The following RBBP8NL variants were observed in gnomAD, a reference collection of about 807,000 sequenced individuals.
The protein encoded by RBBP8NL is RBBP8 N-terminal like, also known as RBBP8 N-terminal-like protein.
RBBP8NL carries 59 observed loss-of-function variants against 62.2 expected under a neutral mutation model. The observed-to-expected ratio is 0.95, with a 90% CI of 0.77 to 1.18. RBBP8NL has a LOEUF of 1.18. Among genes scored for constraint, RBBP8NL ranks in the 50% most tolerant of loss-of-function variants. The probability of loss-of-function intolerance (pLI) is 0.00; values close to 1 mark genes in which losing one functional copy is unlikely to be tolerated. For synonymous variants in RBBP8NL, 412 were observed against 394.1 expected, an observed-to-expected ratio of 1.05 and a Z score of -0.54; for missense variants, 896 against 899.5, an observed-to-expected ratio of 1.00 and a Z score of 0.05.
chr20:62,419,481 T>C, intron 2 of RBBP8NL, 106 bp downstream of exon 2: 1 of 1,193,188 alleles, frequency 8.4e-7, no homozygotes, highest in South Asian at 1.3e-5. Context: ...TTCCCTGACT[T>C]GGTGGGAATT....
Position 62,414,515 on chromosome 20 carries a change from G to C in RBBP8NL, c.836C>G (p.Ala279Gly). The C allele has an allele frequency of 6.9e-7, 1 of 1,446,520 alleles. No homozygotes were observed. The highest frequency in any genetic ancestry group is 2.5e-5 in the East Asian group (1 of 40,484). 89.6% of individuals were successfully genotyped at this position (1,446,520 alleles called of 1,614,324 possible). A position where few individuals can be genotyped will look rare whatever the true frequency, so the allele number is the denominator to read the frequency against. Residue 279 changes from alanine (A) to glycine (G), a missense_variant, in exon 10 of 14, where the codon GCC (alanine) becomes GGC (glycine). Physicochemically the swap from Ala to Gly is moderately conservative, Grantham distance 60. Coordinates refer to ENST00000252998, the MANE Select transcript of RBBP8NL (RefSeq NM_080833.3). ...GTCCACCTTCGGGGAGAGCTTCGGG[G>C]CCTCATGGGTCATGGCGGAGGGCCG... ...ASRPSAMTHE[A>G]PKLSPKVDRL...
intron 4 of RBBP8NL, 90 bp from the exon 5 acceptor site, chr20:62,416,962 C>T: frequency 9.4e-7 from 1 of 1,063,876 alleles, no homozygotes; most frequent in South Asian, 1.5e-5. Context: ...TGGGAAGTGC[C>T]CCTGCCCTTT....
At chr20:62,421,066 C>G (rs1207217101) in intron 1 of RBBP8NL, among the ~76,000 whole-genome samples, 1 of 152,238 alleles carries the variant, frequency 6.6e-6, no homozygotes, top group Non-Finnish European at 1.5e-5. Flanking sequence ...CCCCTCCTCC[C>G]ACAGATTGGC....
chr20:62,413,758 C>T, intron 10 of RBBP8NL, 63 bp downstream of exon 10: 4 of 1,511,962 alleles, frequency 2.6e-6, no homozygotes, highest in East Asian at 2.3e-5. Context: ...TGGGGGGAGG[C>T]CGGCCCGGGG....
chr20:62,424,892 A>C (rs1988775420), intron 1 of RBBP8NL, among the ~76,000 whole-genome samples: 1 of 151,704 alleles, frequency 6.6e-6, no homozygotes, highest in South Asian at 2.1e-4. Context: ...CACCCCCCCC[A>C]CCCGCTGAGC....
chr20:62,413,945 G>T lies in RBBP8NL; in HGVS notation c.1406C>A (p.Ala469Asp). 6.3e-7 allele frequency: 1 copy of T among 1,585,396 alleles called. No homozygotes were observed. The highest frequency in any genetic ancestry group is 2.3e-5 in the East Asian group (1 of 43,308). Residue 469 changes from alanine to aspartate, a missense_variant, in exon 10 of 14, where the codon GCT (alanine) becomes GAT (aspartate). Ala to Asp is a moderately radical substitution (Grantham distance 126). Coordinates refer to ENST00000252998, the MANE Select transcript of RBBP8NL (RefSeq NM_080833.3). ...TGGCTCGGGGCTGGCAGTGTGGGCA[G>T]CGGCAGGGCTGAGTGACCCATGCTG... ...AGQHGSLSPA[A>D]AHTASPEPPT...
chr20:62,420,765 C>A (rs998288873), intron 1 of RBBP8NL, among the ~76,000 whole-genome samples: 12 of 152,240 alleles, frequency 7.9e-5, no homozygotes, highest in Non-Finnish European at 1.6e-4. Flanking sequence ...GAGGTAGGAG[C>A]CACTCTGAAG....
At position 62,418,479 on chromosome 20, in the gene RBBP8NL, C is replaced by T; in HGVS notation, c.62-14G>A. 1 of 1,549,318 alleles carries T rather than the reference C, an allele frequency of 6.5e-7. No homozygotes were observed. The highest frequency in any genetic ancestry group is 8.7e-7 in the Non-Finnish European group (1 of 1,146,220). On this transcript the variant is annotated splice_polypyrimidine_tract_variant and intron_variant, in intron 2 of 13. Transcript: ENST00000252998. ...TGTTCTGCAGGCCTGGGGGAGCAAG[C>T]AGAGGGGCGGGGGGTCAGGCCCAGC...
intron 6 of RBBP8NL, 57 bp from the exon 7 acceptor site, chr20:62,416,002 C>T: frequency 6.7e-7 from 1 of 1,488,158 alleles, no homozygotes. Flanking sequence ...GGGAGATGAT[C>T]AGAAAAGCCG....
Position 62,414,429 on chromosome 20 carries a change from G to A in RBBP8NL, c.922C>T (p.Leu308=). The A allele has an allele frequency of 6.6e-7, 1 of 1,520,430 alleles. No homozygotes were observed. The allele number at this position is 1,520,430 out of a possible 1,614,324, so 94.2% of individuals were successfully genotyped here. The change falls in exon 10 of 14, where the codon CTG becomes TTG. Residue 308 remains leucine (L), a synonymous_variant. Transcript: ENST00000252998. ...TCGCTGGGGGCTGCAGCAGGGGCCA[G>A]GGGGCTGCTGTGGGGGCTCTGAAGG... ...LHLQSPHSSP[L]APAAAPSDPR... is the part of the protein sequence containing the mutation.
At chr20:62,415,484 A>G (rs1988541323) in intron 8 of RBBP8NL, 94 bp downstream of exon 8, 25 of 1,454,950 alleles carry the variant, frequency 1.7e-5, no homozygotes, top group Non-Finnish European at 2.4e-5. Flanking sequence ...GGTTAGGCGC[A>G]TGAGAGGCTG....
rs190875685 is a variant in RBBP8NL at position 62,415,607 on chromosome 20, T to C, written c.598A>G (p.Thr200Ala). Residue 200 changes from threonine (T) to alanine (A), a missense_variant, in exon 8 of 14, where the codon ACC (threonine) becomes GCC (alanine). Coordinates refer to ENST00000252998, the MANE Select transcript of RBBP8NL (RefSeq NM_080833.3). ...SPVAKISPGATLPESRAPDMS... is the reference protein window; with the variant it reads ...SPVAKISPGAALPESRAPDMS... ...TCTGGGGCTCGCGACTCAGGCAGGG[T>C]GGCCCCTGGGGAGATTTTGGCCACT... 164 of 1,612,788 alleles carry C rather than the reference T, an allele frequency of 1.0e-4. No individual in the cohort carries two copies. The Admixed American group carries it at 1.2e-3, about 11-fold the overall frequency.
intron 4 of RBBP8NL, 113 bp from the exon 5 acceptor site, chr20:62,416,985 G>A (rs539197468): frequency 7.7e-5 from 66 of 858,040 alleles, no homozygotes; most frequent in South Asian, 5.9e-4. Context: ...AAACTATTCC[G>A]TAGAGCCCCA....
intron 1 of RBBP8NL, among the ~76,000 whole-genome samples, chr20:62,420,924 GGCTGGA>G (rs1988683603): frequency 6.6e-6 from 1 of 152,248 alleles, no homozygotes; most frequent in Non-Finnish European, 1.5e-5. Context: ...TGGGGACCTG[GGCTGGA>G]GCACTCATCG....
intron 2 of RBBP8NL, among the ~76,000 whole-genome samples, chr20:62,419,051 G>C (rs1439056611): frequency 6.6e-6 from 1 of 152,116 alleles, no homozygotes; most frequent in Non-Finnish European, 1.5e-5. Flanking sequence ...CCTCGTGGGG[G>C]AAGTGGACAG....
At position 62,424,054 on chromosome 20, in the gene RBBP8NL, G is replaced by A. The variant is rs561424329; in HGVS notation, c.-84+3406C>T. Reference sequence around the variant, plus strand: ...GCTGCAGTGGGGCTGTGATGGGGGAGCAAGCCTACCGGGGCGGGGAGGGGC... The same window carrying A: ...GCTGCAGTGGGGCTGTGATGGGGGAACAAGCCTACCGGGGCGGGGAGGGGC... On this transcript the variant is annotated intron_variant, in intron 1 of 13. Transcript: ENST00000252998. Among the ~76,000 whole-genome samples the A allele has an allele frequency of 4.7e-5, 7 of 147,668 alleles. No homozygotes were observed. In the East Asian group the frequency reaches 1.2e-3, roughly 26 times the overall value.
At chr20:62,416,710 C>T (rs747319623) in intron 5 of RBBP8NL, 50 bp downstream of exon 5, 57 of 1,337,262 alleles carry the variant, frequency 4.3e-5, no homozygotes, top group East Asian at 3.5e-4. Context: ...GGCCTGGGGT[C>T]GCCTGGCCCC....
In RBBP8NL at chr20:62,415,213, G is replaced by T; in HGVS notation, c.702C>A (p.Ala234=). The change falls in exon 9 of 14, where the codon GCC becomes GCA. Residue 234 remains alanine (A), a synonymous_variant. Coordinates refer to ENST00000252998, the MANE Select transcript of RBBP8NL (RefSeq NM_080833.3). ...GCGTCCCATTGGCGGGGCCTCGGTCGGCAGGGCAAGCCTGGGACCCAGGCC... is the reference window on the plus strand; with the variant it reads ...GCGTCCCATTGGCGGGGCCTCGGTCTGCAGGGCAAGCCTGGGACCCAGGCC... ...VVRPGSQACP[A]DRGPANGTPP... 1.3e-6 allele frequency: 2 copies of T among 1,526,434 alleles called. No individual in the cohort carries two copies. The highest frequency in any genetic ancestry group is 1.8e-6 in the Non-Finnish European group (2 of 1,137,312). The allele number at this position is 1,526,434 out of a possible 1,614,324, so 94.6% of individuals were successfully genotyped here.
chr20:62,416,499 C>A (rs552122217), intron 5 of RBBP8NL, among the ~76,000 whole-genome samples: 6 of 152,218 alleles, frequency 3.9e-5, no homozygotes, highest in Admixed American at 3.9e-4. Flanking sequence ...CAGGACCTTC[C>A]GCATCTCAGG....
Sources: gnomAD v4.1 joint callset for allele counts (sites outside exome capture counted in the v4.1 genomes callset) on GRCh38, gnomAD v4.1.1 for gene constraint, MANE v1.5 for transcripts, NCBI Gene and HGNC (gene_info 2026-07-23, HGNC 2026-07-21) for gene names.